The following CFAP299 variants were observed in gnomAD, a reference collection of about 807,000 sequenced individuals.
CFAP299 encodes the protein cilia- and flagella-associated protein 299.
In CFAP299, 21 loss-of-function variants were observed where a neutral mutation model predicts 27.0. That is an observed-to-expected ratio of 0.78 (90% CI 0.55 to 1.12). CFAP299 has a LOEUF of 1.12. CFAP299 is among the 50% of genes most tolerant of loss of function. The pLI, the probability that CFAP299 is intolerant of heterozygous loss-of-function variation, is 0.00. For synonymous variants in CFAP299, 104 were observed against 98.1 expected (o/e 1.06, Z -0.36); for missense variants, 310 against 276.6 (o/e 1.12, Z -0.86).
intron 3 of CFAP299, among the ~76,000 whole-genome samples, chr4:80,595,365 T>C (rs1737008750): frequency 6.6e-6 from 1 of 152,230 alleles, no homozygotes; most frequent in Admixed American, 6.5e-5. Flanking sequence ...AAAAGTTTTA[T>C]TGTTTTAGTG....
intron 4 of CFAP299, among the ~76,000 whole-genome samples, chr4:80,907,009 G>A (rs777300152): frequency 6.6e-6 from 1 of 152,074 alleles, no homozygotes; most frequent in East Asian, 1.9e-4. Flanking sequence ...ACATTGTCAG[G>A]CTACAAATTT....
At chr4:80,559,445 A>T (rs539636889) in intron 2 of CFAP299, among the ~76,000 whole-genome samples, 1 of 152,174 alleles carries the variant, frequency 6.6e-6, no homozygotes, top group East Asian at 1.9e-4. Flanking sequence ...CTTCACCCAT[A>T]GTCTCTTCGC....
chr4:80,685,989 T>C (rs954406682), intron 3 of CFAP299, among the ~76,000 whole-genome samples: 5 of 152,200 alleles, frequency 3.3e-5, no homozygotes, highest in African/African-American at 1.2e-4. Flanking sequence ...ATATTTCATC[T>C]TCTTGTGGGA....
chr4:80,461,382 C>T (rs774389859), intron 2 of CFAP299, among the ~76,000 whole-genome samples: 1 of 152,088 alleles, frequency 6.6e-6, no homozygotes, highest in Admixed American at 6.5e-5. Context: ...ACTTAGATTT[C>T]TTTCAGGGTC....
intron 3 of CFAP299, among the ~76,000 whole-genome samples, chr4:80,773,701 T>C (rs1035932480): frequency 6.6e-6 from 1 of 152,082 alleles, no homozygotes; most frequent in Admixed American, 6.6e-5. Context: ...TTTGTAATAA[T>C]TTGGTCAATC....
intron 2 of CFAP299, among the ~76,000 whole-genome samples, chr4:80,368,343 A>C (rs899045058): frequency 1.3e-5 from 2 of 152,184 alleles, no homozygotes; most frequent in African/African-American, 4.8e-5. Flanking sequence ...TGTACCCTTT[A>C]TTCTCAAGTA....
chr4:80,948,998 G>A (rs1178965626), intron 5 of CFAP299, among the ~76,000 whole-genome samples: 1 of 152,104 alleles, frequency 6.6e-6, no homozygotes, highest in African/African-American at 2.4e-5. Context: ...ATCAGATTTT[G>A]TAGGAACTAT....
At chr4:80,494,837 A>T (rs1379803767) in intron 2 of CFAP299, among the ~76,000 whole-genome samples, 1 of 152,206 alleles carries the variant, frequency 6.6e-6, no homozygotes, top group East Asian at 1.9e-4. Context: ...CAATGGGGGT[A>T]TAAACATTCC....
rs546937601 is a variant in CFAP299 at position 80,390,548 on chromosome 4, T to C, written c.242+27664T>C. Among the ~76,000 whole-genome samples, 9 of 94,146 alleles carry C rather than the reference T, an allele frequency of 9.6e-5. No individual in the cohort carries two copies. The South Asian group carries it at 1.2e-3, about 12-fold the overall frequency. The allele number at this position is 94,146 out of a possible 152,430, so 61.8% of individuals were successfully genotyped here. A position where few individuals can be genotyped will look rare whatever the true frequency, so the allele number is the denominator to read the frequency against. On this transcript the variant is annotated intron_variant, in intron 2 of 5. Transcript: ENST00000358105. Reference sequence around the variant, plus strand: ...ATATATGTATATATGTATACACACATATATGTATATATGTATATATGTATA... The same window carrying C: ...ATATATGTATATATGTATACACACACATATGTATATATGTATATATGTATA...
At chr4:80,864,351 A>C in intron 3 of CFAP299, among the ~76,000 whole-genome samples, 1 of 149,900 alleles carries the variant, frequency 6.7e-6, no homozygotes, top group South Asian at 2.1e-4. Flanking sequence ...TATTTGCCCC[A>C]TTCTGGATGC....
At chr4:80,869,671 G>A (rs1399465466) in intron 3 of CFAP299, among the ~76,000 whole-genome samples, 1 of 151,926 alleles carries the variant, frequency 6.6e-6, no homozygotes, top group Non-Finnish European at 1.5e-5. Context: ...CCTCCACCAC[G>A]CCCGGCTAAT....
chr4:80,683,621 A>G (rs1244979169), intron 3 of CFAP299, among the ~76,000 whole-genome samples: 2 of 152,266 alleles, frequency 1.3e-5, no homozygotes, highest in African/African-American at 4.8e-5. Flanking sequence ...TATGTTTACT[A>G]CTTAACTGCT....
At chr4:80,419,923 G>C (rs1174430153) in intron 2 of CFAP299, among the ~76,000 whole-genome samples, 1 of 152,136 alleles carries the variant, frequency 6.6e-6, no homozygotes, top group Non-Finnish European at 1.5e-5. Flanking sequence ...ACTGACAACA[G>C]GCAGATTAGT....
At chr4:80,400,489 A>G (rs1456853182) in intron 2 of CFAP299, among the ~76,000 whole-genome samples, 1 of 151,414 alleles carries the variant, frequency 6.6e-6, no homozygotes, top group Non-Finnish European at 1.5e-5. Context: ...GTGATAGTGA[A>G]TAAGTCTCAC....
rs1737325285 is a variant in CFAP299, at chr4:80,601,117, TA to T, written c.333+17938del. ...GAGAAGAATCAATAGGAAAAAACTT[TA>T]AAAGTTTTATAGCTTTTAGTTAGCA... On this transcript the variant is annotated intron_variant, in intron 3 of 5. Coordinates refer to ENST00000358105, the MANE Select transcript of CFAP299 (RefSeq NM_152770.3). Among the ~76,000 whole-genome samples the T allele has an allele frequency of 5.3e-5, 8 of 152,296 alleles. 1 individual carries two copies. In the South Asian group the frequency reaches 1.7e-3, roughly 32 times the overall value.
chr4:80,551,149 T>G (rs556695771), intron 2 of CFAP299, among the ~76,000 whole-genome samples: 44 of 152,276 alleles, frequency 2.9e-4, no homozygotes, highest in Non-Finnish European at 5.4e-4. Flanking sequence ...TTTTTAAAAA[T>G]CATTTAGTCT....
At chr4:80,697,534 G>C (rs1455672340) in intron 3 of CFAP299, among the ~76,000 whole-genome samples, 1 of 152,166 alleles carries the variant, frequency 6.6e-6, no homozygotes, top group African/African-American at 2.4e-5. Flanking sequence ...AATTAAGTGA[G>C]AATCAATTGT....
chr4:80,549,583 A>C (rs1734402195), intron 2 of CFAP299, among the ~76,000 whole-genome samples: 1 of 152,116 alleles, frequency 6.6e-6, no homozygotes, highest in Non-Finnish European at 1.5e-5. Context: ...AGTGCCTTAA[A>C]TATGCTGCTG....
chr4:80,936,673 A>G (rs886171204), intron 4 of CFAP299, among the ~76,000 whole-genome samples: 1 of 152,124 alleles, frequency 6.6e-6, no homozygotes, highest in Non-Finnish European at 1.5e-5. Context: ...ATCAGAAAAA[A>G]TAACTATTGG....
Sources: allele counts gnomAD v4.1 joint callset (sites outside exome capture counted in the v4.1 genomes callset), GRCh38; gene constraint gnomAD v4.1.1; transcripts MANE v1.5; gene names NCBI Gene and HGNC (gene_info 2026-07-23, HGNC 2026-07-21).